Variants in HPS1 observed in about 807,000 individuals in gnomAD.
HPS1 encodes the protein HPS1 biogenesis of lysosomal organelles complex 3 subunit 1.
In HPS1, 59 loss-of-function variants were observed where a neutral mutation model predicts 90.6. The observed-to-expected ratio is 0.65, with a 90% confidence interval of 0.53 to 0.81. The LOEUF (loss-of-function observed/expected upper bound fraction) is 0.81, where lower values mean the gene tolerates loss of function less well. Ranked by LOEUF, HPS1 falls within the 30% of genes least tolerant of loss-of-function variation. The pLI is 0.00. For missense variants in HPS1, 849 were observed against 896.7 expected (o/e 0.95, Z 0.68); for synonymous variants, 388 against 384.4 (o/e 1.01, Z -0.11).
At chr10:98,423,984 C>T in intron 14 of HPS1, 97 bp from the exon 15 acceptor site, 1 of 1,498,398 alleles carries the variant, frequency 6.7e-7, no homozygotes. Context: ...GACAGACAGA[C>T]CTGGGGAGCC....
intron 18 of HPS1, 118 bp downstream of exon 18, chr10:98,419,927 C>A: frequency 1.2e-6 from 1 of 813,490 alleles, no homozygotes; most frequent in Non-Finnish European, 2.2e-6. Flanking sequence ...CTGGGCTTAC[C>A]AGCAACAAGA....
At chr10:98,438,213 G>A (rs1393006507) in intron 3 of HPS1, among the ~76,000 whole-genome samples, 2 of 152,188 alleles carry the variant, frequency 1.3e-5, no homozygotes, top group Non-Finnish European at 2.9e-5. Context: ...AGAGTGAGGT[G>A]CTACTATAAA....
intron 14 of HPS1, 88 bp from the exon 15 acceptor site, chr10:98,423,975 A>T (rs1017101198): frequency 6.5e-7 from 1 of 1,530,826 alleles, no homozygotes; most frequent in Non-Finnish European, 8.9e-7. Flanking sequence ...TGCACCCAGG[A>T]CAGACAGACC....
At chr10:98,432,042 A>T (rs561802025) in intron 6 of HPS1, among the ~76,000 whole-genome samples, 5 of 152,370 alleles carry the variant, frequency 3.3e-5, no homozygotes, top group African/African-American at 1.2e-4. Flanking sequence ...GCAGCTAATG[A>T]CTATCATATT....
intron 2 of HPS1, 45 bp from the exon 3 acceptor site, chr10:98,443,285 T>C: frequency 3.6e-6 from 5 of 1,405,702 alleles, no homozygotes; most frequent in Non-Finnish European, 5.0e-6. Flanking sequence ...AGCCCCAACA[T>C]CTATGAGCTC....
intron 3 of HPS1, among the ~76,000 whole-genome samples, chr10:98,441,955 C>G (rs992978035): frequency 1.3e-5 from 2 of 152,242 alleles, no homozygotes; most frequent in African/African-American, 4.8e-5. Flanking sequence ...CCTACATGAC[C>G]TAGCCAGTCT....
chr10:98,415,308 G>GAAGAGAATCGCTTGAACCCAGGA, downstream of HPS1: 1 of 826,926 alleles, frequency 1.2e-6, no homozygotes. Flanking sequence ...TGCTGCCCTG[G>GAAGAGAATCGCTTGAACCCAGGA]GGCTGTGCTG....
chr10:98,418,023 C>T, intron 19 of HPS1, 152 bp downstream of exon 19: 1 of 669,334 alleles, frequency 1.5e-6, no homozygotes, highest in Non-Finnish European at 2.7e-6. Flanking sequence ...TCCTCCCTCG[C>T]TGCACACAGG....
chr10:98,437,999 T>C (rs535264423), intron 3 of HPS1, among the ~76,000 whole-genome samples: 7 of 152,338 alleles, frequency 4.6e-5, no homozygotes, highest in Admixed American at 4.6e-4. Context: ...TTCCCCACTT[T>C]TCTTGACACT....
rs56378825 is a variant in HPS1, at chr10:98,429,879, C to G, written c.779G>C (p.Arg260Pro). 29 of 1,611,498 alleles carry G rather than the reference C, an allele frequency of 1.8e-5. No individual in the cohort carries two copies. The highest frequency in any genetic ancestry group is 2.2e-5 in the Non-Finnish European group (26 of 1,179,922). ...GATGTTCTGGCTGCTCCGGGCCCTC[C>G]GCGGGGAAGGCTGTGCAGGGCAGGG... ...TAEDDIQPSP[R>P]RARSSQNIPV... Residue 260 changes from arginine (R) to proline (P), a missense_variant, in exon 9 of 20, where the codon CGG becomes CCG. Transcript: ENST00000361490.
chr10:98,426,773 T>TGG (rs1399422718), intron 11 of HPS1, among the ~76,000 whole-genome samples: 1 of 145,354 alleles, frequency 6.9e-6, no homozygotes, highest in Non-Finnish European at 1.5e-5. Context: ...TGTGTGTGTG[T>TGG]GTGTGTAAAG....
chr10:98,422,550 C>T (rs763514600), intron 16 of HPS1, 37 bp from the exon 17 acceptor site: 6 of 1,609,694 alleles, frequency 3.7e-6, no homozygotes, highest in Non-Finnish European at 5.1e-6. Flanking sequence ...AAGCCAGGAG[C>T]TAGGGACGGC....
rs543163875 is a variant in HPS1, at chr10:98,435,166, G to A, written c.398+106C>T. ...TTTCTCTGACCTAGGGACCCAGCTG[G>A]GGGCAGTATGTGAAAAATGGCAGCT... On this transcript the variant is annotated intron_variant, in intron 5 of 19. Coordinates refer to ENST00000361490, the MANE Select transcript of HPS1 (RefSeq NM_000195.5). This position sits in a 1 kb window ranked among gnomAD's most constrained non-coding sequence, Gnocchi z 4.3. 2 of 1,378,586 alleles carry A rather than the reference G, an allele frequency of 1.5e-6. No homozygotes were observed. Among genetic ancestry groups the A allele is most frequent in the Non-Finnish European group, 1.0e-6 (1 of 971,042 alleles). The allele number at this position is 1,378,586 out of a possible 1,614,324, so 85.4% of individuals were successfully genotyped here.
intron 6 of HPS1, among the ~76,000 whole-genome samples, chr10:98,432,157 T>C (rs1416606707): frequency 1.3e-5 from 2 of 152,160 alleles, no homozygotes; most frequent in Admixed American, 6.5e-5. Context: ...TAGAGTGAAA[T>C]AGGCAGCGAT....
intron 16 of HPS1, among the ~76,000 whole-genome samples, chr10:98,423,003 C>A (rs1245394220): frequency 6.6e-6 from 1 of 152,238 alleles, no homozygotes; most frequent in African/African-American, 2.4e-5. Context: ...GGCCCTCTGG[C>A]ATCCTTTCAC....
intron 3 of HPS1, among the ~76,000 whole-genome samples, chr10:98,436,508 T>C (rs1847346870): frequency 6.6e-6 from 1 of 152,250 alleles, no homozygotes; most frequent in South Asian, 2.1e-4. Flanking sequence ...TATGTTTCTG[T>C]ACTTTTCCTA....
At chr10:98,424,263 C>T in intron 14 of HPS1, 50 bp downstream of exon 14, 2 of 1,382,730 alleles carry the variant, frequency 1.4e-6, no homozygotes, top group Middle Eastern at 1.8e-4. Flanking sequence ...TCCCAGGGAA[C>T]AGTCCCCTGG....
Position 98,425,562 on chromosome 10 carries a change from A to G in HPS1, c.1314T>C (p.Asn438=), listed in dbSNP as rs1286160249. ...TCACCTGAATCTCCTGTGCCCCTCGATTCTTGACAAACTTGTCCATCCTCT... is the reference window on the plus strand; with the variant it reads ...TCACCTGAATCTCCTGTGCCCCTCGGTTCTTGACAAACTTGTCCATCCTCT... ...LRQRMDKFVK[N]RGAQEIQSTW... Residue 438 remains asparagine (N), a synonymous_variant, in exon 13 of 20, where the codon AAT becomes AAC. Coordinates refer to ENST00000361490, the MANE Select transcript of HPS1 (RefSeq NM_000195.5). The G allele has an allele frequency of 6.2e-7, 1 of 1,612,572 alleles. No individual in the cohort carries two copies. The highest frequency in any genetic ancestry group is 1.7e-5 in the Admixed American group (1 of 59,844).
chr10:98,443,050 C>T (rs986064496), intron 3 of HPS1, 74 bp downstream of exon 3: 3 of 1,072,960 alleles, frequency 2.8e-6, no homozygotes, highest in Non-Finnish European at 1.5e-6. Context: ...GGTTTTCCTG[C>T]CTCTCTGCCT....
Sources: allele counts gnomAD v4.1 joint callset (sites outside exome capture counted in the v4.1 genomes callset), GRCh38; gene constraint gnomAD v4.1.1; non-coding constraint Gnocchi (gnomAD v3.1); transcripts MANE v1.5; gene names NCBI Gene and HGNC (gene_info 2026-07-23, HGNC 2026-07-21).